The following SPECC1L variants were observed in gnomAD, a reference collection of about 807,000 sequenced individuals.
SPECC1L encodes sperm antigen with calponin homology and coiled-coil domains 1 like.
SPECC1L carries 40 observed loss-of-function variants against 116.8 expected under a neutral mutation model. That is an observed-to-expected ratio of 0.34 (90% CI 0.27 to 0.45). SPECC1L has a LOEUF of 0.45. Ranked by LOEUF, SPECC1L falls within the 20% of genes least tolerant of loss-of-function variation. The pLI is 1.00. For missense variants in SPECC1L, 1,110 were observed against 1,373.6 expected (o/e 0.81, Z 3.03); for synonymous variants, 504 against 500.6 (o/e 1.01, Z -0.09).
At chr22:24,390,518 T>C (rs2042242785) in intron 14 of SPECC1L, among the ~76,000 whole-genome samples, 1 of 152,198 alleles carries the variant, frequency 6.6e-6, no homozygotes, top group Non-Finnish European at 1.5e-5. Context: ...TCTAAATCTT[T>C]TCATTTTACA....
intron 4 of SPECC1L, among the ~76,000 whole-genome samples, chr22:24,318,917 CA>C (rs937053229): frequency 3.3e-3 from 417 of 126,266 alleles, no homozygotes; most frequent in African/African-American, 4.9e-3. Context: ...GACAGAGCCT[CA>C]AAAAAAAAAA....
chr22:24,401,036 A>T (rs1379882784), intron 14 of SPECC1L, among the ~76,000 whole-genome samples: 2 of 152,210 alleles, frequency 1.3e-5, no homozygotes, highest in African/African-American at 4.8e-5. Flanking sequence ...AGATATCAGC[A>T]TAGGGCACTG....
chr22:24,408,178 C>T (rs1006627644), intron 14 of SPECC1L, among the ~76,000 whole-genome samples: 19 of 152,214 alleles, frequency 1.2e-4, no homozygotes, highest in South Asian at 6.2e-4. Context: ...AGTTTCCTCC[C>T]TAAAGAGCTG....
chr22:24,389,358 A>G lies in SPECC1L; in HGVS notation c.3087+20038A>G, dbSNP rs575063823. Reference sequence around the variant, plus strand: ...TCTCAAACTTGACCTCAGGTGATCCACCCACCTCAACCCCCCAAAGTGCTG... The same window carrying G: ...TCTCAAACTTGACCTCAGGTGATCCGCCCACCTCAACCCCCCAAAGTGCTG... On this transcript the variant is annotated intron_variant, in intron 14 of 16. Coordinates refer to ENST00000314328, the MANE Select transcript of SPECC1L (RefSeq NM_015330.6). Among the ~76,000 whole-genome samples the G allele has an allele frequency of 1.7e-4, 26 of 151,726 alleles. 1 individual carries two copies. In the South Asian group the frequency reaches 5.4e-3, roughly 32 times the overall value.
Position 24,336,619 on chromosome 22 carries a change from A to G in SPECC1L, c.2561-1767A>G, listed in dbSNP as rs1329725402. Among the ~76,000 whole-genome samples, 6 of 152,268 alleles carry G rather than the reference A, an allele frequency of 3.9e-5. No homozygotes were observed. In the East Asian group the frequency reaches 1.2e-3, roughly 29 times the overall value. ...TATATATGCTTTGAAAATCAAATTG[A>G]TAATGGAATGTCTACATTAAATTAA... On this transcript the variant is annotated intron_variant, in intron 9 of 16. Transcript: ENST00000314328.
chr22:24,410,476 A>G (rs1244959956), intron 14 of SPECC1L, among the ~76,000 whole-genome samples: 1 of 152,218 alleles, frequency 6.6e-6, no homozygotes, highest in Admixed American at 6.5e-5. Context: ...TTGAGGCTAC[A>G]GCCTGCAGGG....
chr22:24,287,621 A>G (rs1428455705), intron 2 of SPECC1L, among the ~76,000 whole-genome samples: 17 of 152,214 alleles, frequency 1.1e-4, no homozygotes, highest in East Asian at 3.9e-4. Flanking sequence ...GCCACCCTTG[A>G]GATTAGAAAG....
At position 24,365,489 on chromosome 22, in the gene SPECC1L, T is replaced by C. The variant is rs1254556220; in HGVS notation, c.2841T>C (p.Ser947=). ...SAKTLSVSRR[S]SEEVKRDISA... ...TATTTCTCACAGTGTCTCGACGAAGTAGTGAAGAAGTGAAACGGGACATTT... is the reference window on the plus strand; with the variant it reads ...TATTTCTCACAGTGTCTCGACGAAGCAGTGAAGAAGTGAAACGGGACATTT... Residue 947 remains serine (S), a synonymous_variant, in exon 13 of 17, where the codon AGT becomes AGC. Transcript: ENST00000314328. The C allele has an allele frequency of 6.2e-7, 1 of 1,614,006 alleles. No homozygotes were observed. The highest frequency in any genetic ancestry group is 8.5e-7 in the Non-Finnish European group (1 of 1,180,010).
intron 2 of SPECC1L, among the ~76,000 whole-genome samples, chr22:24,279,631 G>T (rs2048904456): frequency 6.6e-6 from 1 of 151,652 alleles, no homozygotes; most frequent in Admixed American, 6.6e-5. Flanking sequence ...CCAGGTTGTA[G>T]GGCAACAATG....
intron 14 of SPECC1L, among the ~76,000 whole-genome samples, chr22:24,381,799 G>A (rs1211976233): frequency 6.6e-6 from 1 of 152,174 alleles, no homozygotes; most frequent in Non-Finnish European, 1.5e-5. Context: ...CAGGAGAATG[G>A]CGTGAAACCG....
At chr22:24,317,864 C>A (rs1380714017) in intron 4 of SPECC1L, among the ~76,000 whole-genome samples, 1 of 151,408 alleles carries the variant, frequency 6.6e-6, no homozygotes, top group African/African-American at 2.4e-5. Flanking sequence ...CGGGCAGAGA[C>A]GCTCCTCACA....
At chr22:24,290,122 C>T (rs1220340916) in intron 2 of SPECC1L, among the ~76,000 whole-genome samples, 3 of 152,206 alleles carry the variant, frequency 2.0e-5, no homozygotes, top group East Asian at 3.8e-4. Flanking sequence ...GCCACTCAGG[C>T]GTGACTGAGC....
chr22:24,334,095 C>T (rs1294080102), intron 8 of SPECC1L, among the ~76,000 whole-genome samples: 1 of 150,876 alleles, frequency 6.6e-6, no homozygotes, highest in Non-Finnish European at 1.5e-5. Flanking sequence ...TCACTGCAAG[C>T]TCTGCCTCAT....
intron 14 of SPECC1L, among the ~76,000 whole-genome samples, chr22:24,401,997 G>C (rs1423463201): frequency 6.6e-6 from 1 of 152,006 alleles, no homozygotes; most frequent in Non-Finnish European, 1.5e-5. Context: ...GCCCTACCTC[G>C]GCCGCCTGCC....
intron 11 of SPECC1L, among the ~76,000 whole-genome samples, chr22:24,357,375 A>G (rs1459305740): frequency 6.6e-6 from 1 of 152,220 alleles, no homozygotes; most frequent in South Asian, 2.1e-4. Flanking sequence ...AGCCTGAGCA[A>G]CATAGTGAGA....
chr22:24,361,559 G>A (rs374092800), intron 11 of SPECC1L, among the ~76,000 whole-genome samples: 186 of 152,272 alleles, frequency 1.2e-3, no homozygotes, highest in African/African-American at 4.0e-3. Context: ...GGCTGAGACG[G>A]GAGAATCGCT....
At chr22:24,351,787 C>T (rs1432018099) in intron 11 of SPECC1L, among the ~76,000 whole-genome samples, 2 of 152,148 alleles carry the variant, frequency 1.3e-5, no homozygotes, top group African/African-American at 4.8e-5. Flanking sequence ...TGCTTTTCTT[C>T]CTTGGTTGTC....
At chr22:24,356,984 G>T (rs1236219139) in intron 11 of SPECC1L, among the ~76,000 whole-genome samples, 1 of 151,790 alleles carries the variant, frequency 6.6e-6, no homozygotes, top group Non-Finnish European at 1.5e-5. Flanking sequence ...CCCCAGTTAT[G>T]ACAACCAAAA....
chr22:24,328,906 A>C lies in SPECC1L; in HGVS notation c.2207A>C (p.His736Pro). The C allele has an allele frequency of 6.2e-7, 1 of 1,613,270 alleles. No homozygotes were observed. The change falls in exon 7 of 17, where the codon CAC becomes CCC. Residue 736 changes from histidine (H) to proline (P), a missense_variant. Physicochemically the swap from His to Pro is moderately conservative, Grantham distance 77. This residue lies in a region of SPECC1L where 575 missense variants were observed against 682.4 expected (regional missense o/e 0.84). Transcript: ENST00000314328. ...ATGGAAAGAGAAATAAAGACACTCC[A>C]CAGAAGACTTCGGGTAGGATAAATC... Reference protein sequence around the residue: ...HDMEREIKTLHRRLREESAEW... With the variant: ...HDMEREIKTLPRRLREESAEW...
Sources: gnomAD v4.1 joint callset for allele counts (sites outside exome capture counted in the v4.1 genomes callset) on GRCh38, gnomAD v4.1.1 for gene constraint, gnomAD v4.1.1 regional missense constraint, MANE v1.5 for transcripts, NCBI Gene and HGNC (gene_info 2026-07-23, HGNC 2026-07-21) for gene names.